DCST2: variants seen among roughly 807,000 people sequenced by gnomAD.
DCST2 encodes DC-STAMP domain-containing protein 2.
A neutral mutation model predicts 81.8 loss-of-function variants in DCST2; 64 were observed. That is an observed-to-expected ratio of 0.78 (90% CI 0.64 to 0.96). The LOEUF is 0.96. Ranked by LOEUF, DCST2 falls within the 40% of genes least tolerant of loss-of-function variation. The probability of loss-of-function intolerance (pLI) is 0.00; values close to 1 mark genes in which losing one functional copy is unlikely to be tolerated. For synonymous variants in DCST2, 354 were observed against 402.6 expected (o/e 0.88, Z 1.44); for missense variants, 945 against 1,001.4 (o/e 0.94, Z 0.76).
In DCST2 at chr1:155,029,025, C is replaced by T. The variant is rs1659992104; in HGVS notation, c.1342+208G>A. Reference sequence around the variant, plus strand: ...CTACTCTGTAAGTTATAATCTTGACCTAGACATAGGTGTTACTAGGCAAAG... The same window carrying T: ...CTACTCTGTAAGTTATAATCTTGACTTAGACATAGGTGTTACTAGGCAAAG... On this transcript the variant is annotated intron_variant, in intron 8 of 14. Transcript: ENST00000368424. 2.0e-5 allele frequency among the ~76,000 whole-genome samples: 3 copies of T among 152,120 alleles called. 1 individual carries two copies. In the South Asian group the frequency reaches 6.2e-4, roughly 31 times the overall value.
rs1377015621 is a variant in DCST2 at position 155,033,683 on chromosome 1, C to A, written c.19G>T (p.Asp7Tyr). Reference sequence around the variant, plus strand: ...TCTCCCCCCAAGGGGTGCACAACATCCTTCATGACTTTGGGCATGGCTGCT... The same window carrying A: ...TCTCCCCCCAAGGGGTGCACAACATACTTCATGACTTTGGGCATGGCTGCT... The part of the protein sequence containing the change: MPKVMK[D>Y]VVHPLGGEEP... The change falls in exon 1 of 15, where the codon GAT becomes TAT. Residue 7 changes from aspartate (D) to tyrosine (Y), a missense_variant. Transcript: ENST00000368424. 6.2e-7 allele frequency: 1 copy of A among 1,613,714 alleles called. No homozygotes were observed. The highest frequency in any genetic ancestry group is 8.5e-7 in the Non-Finnish European group (1 of 1,179,702).
intron 12 of DCST2, 28 bp downstream of exon 12, chr1:155,023,804 G>T: frequency 6.2e-7 from 1 of 1,611,916 alleles, no homozygotes; most frequent in Non-Finnish European, 8.5e-7. Context: ...TCCGAGCAGG[G>T]AGAGGCACAC....
At chr1:155,019,637 C>T (rs1253166105) in intron 14 of DCST2, among the ~76,000 whole-genome samples, 1 of 152,232 alleles carries the variant, frequency 6.6e-6, no homozygotes, top group African/African-American at 2.4e-5. Context: ...GCCTTAGCCC[C>T]TCCTCTTCCC....
rs1486847474 is a variant in DCST2, at chr1:155,032,683, A to G, written c.525T>C (p.Asp175=). The G allele has an allele frequency of 6.2e-7, 1 of 1,613,982 alleles. No homozygotes were observed. ...TGTGCTTACCTATGTGTTTCACACC[A>G]TCCATGATTGACCGAAAGAACTTGC... ...RVRKFFRSIM[D]GVKHIARALR... is the part of the protein sequence containing the mutation. Residue 175 remains aspartate (D), a synonymous_variant, in exon 3 of 15, where the codon GAT becomes GAC. Coordinates refer to ENST00000368424, the MANE Select transcript of DCST2 (RefSeq NM_144622.3).
intron 12 of DCST2, 114 bp from the exon 13 acceptor site, chr1:155,023,571 T>C: frequency 6.5e-7 from 1 of 1,547,304 alleles, no homozygotes; most frequent in Non-Finnish European, 8.7e-7. Flanking sequence ...ACCATCCTTG[T>C]CAAGGGGTGC....
intron 8 of DCST2, among the ~76,000 whole-genome samples, chr1:155,027,193 C>T (rs972013949): frequency 5.5e-5 from 8 of 144,974 alleles, no homozygotes; most frequent in Admixed American, 2.9e-4. Flanking sequence ...CCACCACGAC[C>T]GGCTATTTTT....
intron 8 of DCST2, among the ~76,000 whole-genome samples, chr1:155,028,961 G>C (rs1445756161): frequency 4.0e-5 from 6 of 151,614 alleles, no homozygotes; most frequent in Non-Finnish European, 7.4e-5. Context: ...GCTGGGATTT[G>C]AACCCTGGCC....
chr1:155,028,872 A>AAG (rs1659988528), intron 8 of DCST2, among the ~76,000 whole-genome samples: 1 of 151,452 alleles, frequency 6.6e-6, no homozygotes, highest in Admixed American at 6.6e-5. Context: ...CTGTCTCAAA[A>AAG]AAAAAAAAAA....
At chr1:155,021,412 C>T (rs910276997) in intron 14 of DCST2, among the ~76,000 whole-genome samples, 1 of 150,872 alleles carries the variant, frequency 6.6e-6, no homozygotes, top group Non-Finnish European at 1.5e-5. Flanking sequence ...GCTGAAATTA[C>T]AGGTGTGAGC....
intron 10 of DCST2, among the ~76,000 whole-genome samples, chr1:155,026,039 C>T (rs1316424601): frequency 6.6e-6 from 1 of 151,838 alleles, no homozygotes; most frequent in African/African-American, 2.4e-5. Flanking sequence ...CCTCATCCCC[C>T]ACCCCCTCAA....
At position 155,031,718 on chromosome 1, in the gene DCST2, T is replaced by A. The variant is rs1424694001; in HGVS notation, c.595A>T (p.Asn199Tyr). The A allele has an allele frequency of 1.2e-6, 2 of 1,613,948 alleles. No homozygotes were observed. The highest frequency in any genetic ancestry group is 1.7e-6 in the Non-Finnish European group (2 of 1,180,046). The change falls in exon 4 of 15, where the codon AAC becomes TAC. Residue 199 changes from asparagine to tyrosine, a missense_variant. By Grantham distance (143) the Asn-to-Tyr change is moderately radical. Coordinates refer to ENST00000368424, the MANE Select transcript of DCST2 (RefSeq NM_144622.3). ...AGGTAAGGGTTGCCCAGTTCCGAGTTGCACACATCGCCGATGTGCAGGAGC... is the reference window on the plus strand; with the variant it reads ...AGGTAAGGGTTGCCCAGTTCCGAGTAGCACACATCGCCGATGTGCAGGAGC... ...QWLLHIGDVC[N>Y]SELGNPYLKC...
At chr1:155,025,453 C>T (rs1357054413) in intron 10 of DCST2, among the ~76,000 whole-genome samples, 1 of 151,982 alleles carries the variant, frequency 6.6e-6, no homozygotes, top group Admixed American at 6.6e-5. Flanking sequence ...CTCAGCCTAC[C>T]GAGTAGCTGG....
At chr1:155,020,990 T>C (rs1161459928) in intron 14 of DCST2, among the ~76,000 whole-genome samples, 9 of 150,860 alleles carry the variant, frequency 6.0e-5, no homozygotes, top group Admixed American at 1.3e-4. Flanking sequence ...GCCCAGCTAA[T>C]TTTTGTATTA....
rs1230670548 is a variant in DCST2, at chr1:155,032,730, T to C, written c.478A>G (p.Lys160Glu). 1 of 1,614,176 alleles carries C rather than the reference T, an allele frequency of 6.2e-7. No homozygotes were observed. The highest frequency in any genetic ancestry group is 1.7e-5 in the Admixed American group (1 of 60,018). ...NKIKAIARKTKEVADRVRKFF... is the reference protein window; with the variant it reads ...NKIKAIARKTEEVADRVRKFF... ...TTGCGGACCCGGTCAGCCACCTCTT[T>C]GGTCTTCCGGGCAATAGCTTTAATC... The change falls in exon 3 of 15, where the codon AAA becomes GAA. Residue 160 changes from lysine to glutamate, a missense_variant. Coordinates refer to ENST00000368424, the MANE Select transcript of DCST2 (RefSeq NM_144622.3).
At chr1:155,030,350 C>T in intron 6 of DCST2, 82 bp downstream of exon 6, 3 of 1,594,692 alleles carry the variant, frequency 1.9e-6, no homozygotes, top group Middle Eastern at 2.0e-4. Context: ...GATGCTGGGG[C>T]AGGGAGAAAT....
chr1:155,031,196 G>A lies in DCST2; in HGVS notation c.778C>T (p.Pro260Ser), dbSNP rs375967114. 5.7e-6 allele frequency: 9 copies of A among 1,592,912 alleles called. No individual in the cohort carries two copies. Among genetic ancestry groups the A allele is most frequent in the Admixed American group, 1.9e-5 (1 of 53,670 alleles). ...VFCVIPKYIQ[P>S]FLRQTIGTPV... is the part of the protein sequence containing the mutation. ...GTGCCGATGGTCTGGCGCAAGAAGG[G>A]TTGAATGTACTTAGGGATGACGCAG... The change falls in exon 5 of 15, where the codon CCC becomes TCC. Residue 260 changes from proline to serine, a missense_variant. Pro to Ser is a moderately conservative substitution (Grantham distance 74). Transcript: ENST00000368424.
rs376847671 is a variant in DCST2, at chr1:155,033,481, C to T, written c.221G>A (p.Arg74His). 40 of 1,613,760 alleles carry T rather than the reference C, an allele frequency of 2.5e-5. No individual in the cohort carries two copies. The highest frequency in any genetic ancestry group is 1.5e-4 in the Admixed American group (9 of 59,998). Residue 74 changes from arginine (R) to histidine (H), a missense_variant, in exon 1 of 15, where the codon CGC (arginine) becomes CAC (histidine). Transcript: ENST00000368424. ...AFLSLGMGFS[R>H]QVRATVLLLL... ...CAGGAGGACAGTGGCTCGGACCTGG[C>T]GAGAGAATCCCATGCCCAGGCTAAG...
chr1:155,023,780 G>A, intron 12 of DCST2, 52 bp downstream of exon 12: 1 of 1,608,872 alleles, frequency 6.2e-7, no homozygotes, highest in Non-Finnish European at 8.5e-7. Context: ...ATTGTCATAT[G>A]CAAGTGGGGT....
intron 14 of DCST2, among the ~76,000 whole-genome samples, chr1:155,021,000 A>G (rs1411972232): frequency 6.7e-6 from 1 of 150,290 alleles, no homozygotes; most frequent in Non-Finnish European, 1.5e-5. Context: ...TTTTTGTATT[A>G]TTACCTATTT....
Sources: gnomAD v4.1 joint callset for allele counts (sites outside exome capture counted in the v4.1 genomes callset) on GRCh38, gnomAD v4.1.1 for gene constraint, MANE v1.5 for transcripts, NCBI Gene and HGNC (gene_info 2026-07-23, HGNC 2026-07-21) for gene names.